Variants in DMD observed in about 807,000 individuals in gnomAD.
The protein encoded by DMD is mutant dystrophin.
Under a neutral mutation model 330.1 loss-of-function variants are expected in DMD, and 63 were observed. That is an observed-to-expected ratio of 0.19 (90% CI 0.16 to 0.24). The LOEUF is 0.24. DMD is among the 10% of genes least tolerant of loss of function. The probability of loss-of-function intolerance (pLI) is 1.00; values close to 1 mark genes in which losing one functional copy is unlikely to be tolerated. For missense variants in DMD, 3,344 were observed against 2,684.1 expected, an observed-to-expected ratio of 1.25 and a Z score of -5.43; for synonymous variants, 1,223 against 959.8, an observed-to-expected ratio of 1.27 and a Z score of -5.07.
intron 44 of DMD, among the ~76,000 whole-genome samples, chrX:31,970,883 T>C (rs961375283): frequency 1.8e-5 from 2 of 111,762 alleles, no homozygotes. Context: ...GCCTAAAACA[T>C]AGATGTCAGG....
chrX:32,807,578 G>A (rs1193636228), intron 7 of DMD, among the ~76,000 whole-genome samples: 2 of 111,411 alleles, frequency 1.8e-5, no homozygotes, highest in Non-Finnish European at 3.8e-5. Context: ...TCCCACTTAG[G>A]AGAGCATATG....
chrX:32,845,333 C>T (rs2080559984), intron 3 of DMD, among the ~76,000 whole-genome samples: 1 of 111,853 alleles, frequency 8.9e-6, no homozygotes. Context: ...AGCTCTAAAC[C>T]TCAATCACTT....
At chrX:32,619,820 C>T (rs2057857657) in intron 11 of DMD, among the ~76,000 whole-genome samples, 1 of 111,377 alleles carries the variant, frequency 9.0e-6, no homozygotes, top group Admixed American at 9.6e-5. Context: ...GACAACTGAC[C>T]TAGCATCCCC....
At chrX:32,142,009 A>G (rs1299201131) in intron 44 of DMD, among the ~76,000 whole-genome samples, 1 of 111,819 alleles carries the variant, frequency 8.9e-6, no homozygotes, top group Non-Finnish European at 1.9e-5. Flanking sequence ...AACACTGGCA[A>G]CATACCTTCC....
At chrX:31,233,418 A>T (rs2047407301) in intron 63 of DMD, among the ~76,000 whole-genome samples, 1 of 112,006 alleles carries the variant, frequency 8.9e-6, no homozygotes, top group African/African-American at 3.2e-5. Flanking sequence ...TCTTTGTTAT[A>T]AAAGGTAAGA....
chrX:31,408,862 G>A (rs1193857089), intron 60 of DMD, among the ~76,000 whole-genome samples: 2 of 111,711 alleles, frequency 1.8e-5, no homozygotes, highest in African/African-American at 6.5e-5. Flanking sequence ...GTATACATGT[G>A]CCATGCTGGT....
chrX:32,519,670 T>A, intron 17 of DMD, among the ~76,000 whole-genome samples: 1 of 112,066 alleles, frequency 8.9e-6, no homozygotes, highest in East Asian at 2.8e-4. Context: ...CTTCTAGGAA[T>A]TTTTTCACAT....
At chrX:31,754,927 A>G (rs1019086665) in intron 51 of DMD, among the ~76,000 whole-genome samples, 2 of 112,136 alleles carry the variant, frequency 1.8e-5, no homozygotes, top group Non-Finnish European at 3.8e-5. Flanking sequence ...GCTAAAAATA[A>G]TCAAATGTCT....
At chrX:32,745,222 AC>A (rs892714454) in intron 7 of DMD, among the ~76,000 whole-genome samples, 1 of 112,340 alleles carries the variant, frequency 8.9e-6, no homozygotes, top group African/African-American at 3.2e-5. Flanking sequence ...TGAATGAGTA[AC>A]ATTACAATGC....
chrX:32,599,481 C>A (rs808530), intron 12 of DMD, among the ~76,000 whole-genome samples: 56,914 of 110,348 alleles, frequency 0.52, 12,080 homozygotes, highest in African/African-American at 0.82. Flanking sequence ...TATTTAATTA[C>A]AATTTTAAAT....
At chrX:31,716,092 G>A (rs1388685405) in intron 52 of DMD, among the ~76,000 whole-genome samples, 1 of 112,375 alleles carries the variant, frequency 8.9e-6, no homozygotes, top group African/African-American at 3.2e-5. Context: ...ACTACATGGA[G>A]AATGTCCTCA....
intron 37 of DMD, among the ~76,000 whole-genome samples, chrX:32,361,873 T>C (rs1463506189): frequency 9.0e-6 from 1 of 111,695 alleles, no homozygotes; most frequent in Non-Finnish European, 1.9e-5. Context: ...CCTAAATACA[T>C]ATATTGATTT....
intron 2 of DMD, among the ~76,000 whole-genome samples, chrX:32,853,859 C>T (rs2081341527): frequency 9.3e-6 from 1 of 107,777 alleles, no homozygotes; most frequent in African/African-American, 3.4e-5. Flanking sequence ...ACCTACAAAG[C>T]CAGACTTAAA....
intron 1 of DMD, among the ~76,000 whole-genome samples, chrX:33,184,624 T>C (rs967634617): frequency 9.0e-6 from 1 of 110,867 alleles, no homozygotes; most frequent in Admixed American, 9.6e-5. Context: ...AATAGTGGAA[T>C]AAAATTGATA....
chrX:31,622,696 GT>G (rs985420514), intron 55 of DMD, among the ~76,000 whole-genome samples: 22 of 108,823 alleles, frequency 2.0e-4, no homozygotes, highest in Non-Finnish European at 3.6e-4. Flanking sequence ...ATAAGATTCT[GT>G]TGTATAAGCC....
At chrX:31,978,339 GTTA>G (rs778927096) in intron 44 of DMD, among the ~76,000 whole-genome samples, 1 of 108,677 alleles carries the variant, frequency 9.2e-6, no homozygotes, top group East Asian at 2.9e-4. Context: ...GATCCTAATT[GTTA>G]TACTTCTTGC....
intron 42 of DMD, among the ~76,000 whole-genome samples, chrX:32,296,049 G>T (rs2097494227): frequency 8.9e-6 from 1 of 112,004 alleles, no homozygotes; most frequent in Non-Finnish European, 1.9e-5. Flanking sequence ...TGTACCTATA[G>T]CAAAGCTCGT....
chrX:31,649,242 G>C (rs2080294179), intron 54 of DMD, among the ~76,000 whole-genome samples: 2 of 111,586 alleles, frequency 1.8e-5, no homozygotes, highest in Non-Finnish European at 3.8e-5. Flanking sequence ...TGGGAAAACT[G>C]ATACATAGGA....
intron 48 of DMD, among the ~76,000 whole-genome samples, chrX:31,868,426 A>G (rs5971600): frequency 0.49 from 54,532 of 110,571 alleles, 10,380 homozygotes; most frequent in African/African-American, 0.68. Context: ...CTTACCGAGT[A>G]TTCTTATTTT....
Sources: allele counts gnomAD v4.1 joint callset (sites outside exome capture counted in the v4.1 genomes callset), GRCh38; gene constraint gnomAD v4.1.1; transcripts MANE v1.5; gene names NCBI Gene and HGNC (gene_info 2026-07-23, HGNC 2026-07-21).